The following DNAJC12 variants were observed in gnomAD, a reference collection of about 807,000 sequenced individuals.
The protein encoded by DNAJC12 is DnaJ heat shock protein family (Hsp40) member C12, also known as dnaJ homolog subfamily C member 12.
Under a neutral mutation model 28.5 loss-of-function variants are expected in DNAJC12, and 25 were observed. The ratio of observed to expected loss-of-function variants is 0.88; its 90% CI spans 0.64 to 1.22. The LOEUF (loss-of-function observed/expected upper bound fraction) is 1.22, where lower values mean the gene tolerates loss of function less well. DNAJC12 is among the 50% of genes most tolerant of loss of function. DNAJC12 has a pLI of 0.00. For missense variants in DNAJC12, 222 were observed against 231.7 expected, an observed-to-expected ratio of 0.96 and a Z score of 0.27; for synonymous variants, 77 against 80.6, an observed-to-expected ratio of 0.95 and a Z score of 0.24.
At chr10:67,821,726 T>G (rs1176617099) in intron 2 of DNAJC12, among the ~76,000 whole-genome samples, 1 of 152,200 alleles carries the variant, frequency 6.6e-6, no homozygotes, top group African/African-American at 2.4e-5. Context: ...TAAAGAATGC[T>G]GTAGCAATCC....
chr10:67,806,718 A>T (rs985051619), intron 3 of DNAJC12, among the ~76,000 whole-genome samples: 1 of 151,818 alleles, frequency 6.6e-6, no homozygotes, highest in Non-Finnish European at 1.5e-5. Flanking sequence ...CCAGCTACTC[A>T]GGAGGCTGAG....
rs913251576 is a variant in DNAJC12 at position 67,810,209 on chromosome 10, T to G, written c.297+1315A>C. Reference sequence around the variant, plus strand: ...CATACTTTTAAACCATCAGATCTCATGAGAACTCACTATCATGAGAAAAGC... The same window carrying G: ...CATACTTTTAAACCATCAGATCTCAGGAGAACTCACTATCATGAGAAAAGC... On this transcript the variant is annotated intron_variant, in intron 3 of 4. Coordinates refer to ENST00000225171, the MANE Select transcript of DNAJC12 (RefSeq NM_021800.3). Among the ~76,000 whole-genome samples, 4 of 152,010 alleles carry G rather than the reference T, an allele frequency of 2.6e-5. No homozygotes were observed. The East Asian group carries it at 5.8e-4, about 22-fold the overall frequency.
chr10:67,799,054 C>T (rs1428577410), intron 4 of DNAJC12, among the ~76,000 whole-genome samples: 1 of 152,264 alleles, frequency 6.6e-6, no homozygotes, highest in African/African-American at 2.4e-5. Flanking sequence ...CGTCAGCCAC[C>T]GTGCCCGGCC....
chr10:67,805,686 T>A lies in DNAJC12; in HGVS notation c.399A>T (p.Arg133Ser). ...AAGCCAGCTCCTCTTTCTTTCTTTC[T>A]CTTTGCTCATTACATTCCTCATTTT... ...KMENEECNEQ[R>S]ERKKEELAST... Residue 133 changes from arginine to serine, a missense_variant, in exon 4 of 5, where the codon AGA (arginine) becomes AGT (serine). Coordinates refer to ENST00000225171, the MANE Select transcript of DNAJC12 (RefSeq NM_021800.3). 1 of 1,613,890 alleles carries A rather than the reference T, an allele frequency of 6.2e-7. No homozygotes were observed. The highest frequency in any genetic ancestry group is 8.5e-7 in the Non-Finnish European group (1 of 1,179,970).
intron 2 of DNAJC12, among the ~76,000 whole-genome samples, chr10:67,818,437 G>A (rs1310016800): frequency 1.3e-5 from 2 of 152,074 alleles, no homozygotes; most frequent in Non-Finnish European, 2.9e-5. Flanking sequence ...ACAGTCCACT[G>A]TTTCTCTGAA....
chr10:67,831,494 T>C (rs1272227873), intron 1 of DNAJC12, among the ~76,000 whole-genome samples: 2 of 152,200 alleles, frequency 1.3e-5, no homozygotes, highest in Non-Finnish European at 2.9e-5. Context: ...CAATTCCCAC[T>C]TGGATGAATA....
intron 2 of DNAJC12, among the ~76,000 whole-genome samples, chr10:67,813,224 A>G (rs1400418598): frequency 2.0e-5 from 3 of 151,818 alleles, no homozygotes; most frequent in African/African-American, 7.3e-5. Context: ...TTAGCTAGGC[A>G]TGGCGGTGGG....
chr10:67,806,447 G>A (rs1018733451), intron 3 of DNAJC12, among the ~76,000 whole-genome samples: 2 of 151,996 alleles, frequency 1.3e-5, no homozygotes, highest in Non-Finnish European at 2.9e-5. Flanking sequence ...CAGTCCAAAG[G>A]CTAATCAACC....
chr10:67,798,488 T>C (rs1230933670), intron 4 of DNAJC12, among the ~76,000 whole-genome samples: 1 of 151,522 alleles, frequency 6.6e-6, no homozygotes, highest in East Asian at 2.0e-4. Flanking sequence ...GAGACCAGCA[T>C]AGGCAACATG....
At chr10:67,820,894 C>T (rs1841975419) in intron 2 of DNAJC12, among the ~76,000 whole-genome samples, 1 of 147,614 alleles carries the variant, frequency 6.8e-6, no homozygotes, top group South Asian at 2.1e-4. Flanking sequence ...AGCAATTCTC[C>T]TGCCTCAGCC....
intron 3 of DNAJC12, 151 bp downstream of exon 3, chr10:67,811,373 G>T: frequency 6.7e-7 from 1 of 1,486,110 alleles, no homozygotes; most frequent in Non-Finnish European, 8.9e-7. Flanking sequence ...TCTCTTCATG[G>T]GATTTACGGA....
intron 3 of DNAJC12, among the ~76,000 whole-genome samples, chr10:67,809,774 G>A (rs1841840476): frequency 6.6e-6 from 1 of 152,148 alleles, no homozygotes; most frequent in Non-Finnish European, 1.5e-5. Context: ...CATTATAAAT[G>A]GGAGCTAAGC....
At chr10:67,824,483 A>T (rs1842010778) in intron 1 of DNAJC12, among the ~76,000 whole-genome samples, 2 of 151,886 alleles carry the variant, frequency 1.3e-5, no homozygotes, top group African/African-American at 4.8e-5. Flanking sequence ...AAACCTGATA[A>T]TTTTGTTACC....
At chr10:67,830,242 CG>C (rs1340696817) in intron 1 of DNAJC12, among the ~76,000 whole-genome samples, 1 of 151,990 alleles carries the variant, frequency 6.6e-6, no homozygotes, top group Admixed American at 6.6e-5. Context: ...GCCTGGGAGG[CG>C]GAGGTTGCAG....
chr10:67,806,556 G>T (rs1841802556), intron 3 of DNAJC12, among the ~76,000 whole-genome samples: 2 of 152,192 alleles, frequency 1.3e-5, no homozygotes, highest in South Asian at 4.1e-4. Flanking sequence ...GGGCACAGTG[G>T]CTCATGCTTG....
chr10:67,820,280 T>G (rs1343477275), intron 2 of DNAJC12, among the ~76,000 whole-genome samples: 1 of 152,208 alleles, frequency 6.6e-6, no homozygotes, highest in Non-Finnish European at 1.5e-5. Context: ...TGAAGGAATT[T>G]GTGCCTAAAG....
intron 2 of DNAJC12, among the ~76,000 whole-genome samples, chr10:67,811,921 C>T (rs1841865035): frequency 6.6e-6 from 1 of 151,970 alleles, no homozygotes. Context: ...GTGCTGATGA[C>T]ACAGATGTGA....
intron 1 of DNAJC12, among the ~76,000 whole-genome samples, chr10:67,826,750 AT>A (rs59377491): frequency 1.5e-4 from 17 of 115,518 alleles, no homozygotes; most frequent in Admixed American, 2.1e-4. Flanking sequence ...AATATATATC[AT>A]TATATATCTG....
intron 2 of DNAJC12, among the ~76,000 whole-genome samples, chr10:67,820,933 G>A (rs1008111771): frequency 4.0e-5 from 6 of 151,770 alleles, no homozygotes; most frequent in Non-Finnish European, 5.9e-5. Context: ...ACACGCATGC[G>A]CCACTAGGCC....
Sources: allele counts gnomAD v4.1 joint callset (sites outside exome capture counted in the v4.1 genomes callset), GRCh38; gene constraint gnomAD v4.1.1; transcripts MANE v1.5; gene names NCBI Gene and HGNC (gene_info 2026-07-23, HGNC 2026-07-21).